Variants in PUSL1 observed in about 807,000 individuals in gnomAD.
PUSL1 encodes pseudouridine synthase like 1.
In PUSL1, 51 loss-of-function variants were observed where a neutral mutation model predicts 30.7. That is an observed-to-expected ratio of 1.66 (90% CI 1.33 to 2.10). The LOEUF (loss-of-function observed/expected upper bound fraction) is 2.10, where lower values mean the gene tolerates loss of function less well. PUSL1 is among the 30% of genes most tolerant of loss of function. PUSL1 has a pLI of 0.00. For missense variants in PUSL1, 609 were observed against 427.6 expected, an observed-to-expected ratio of 1.42 and a Z score of -3.74; for synonymous variants, 290 against 192.1, an observed-to-expected ratio of 1.51 and a Z score of -4.21.
chr1:1,310,447 C>T (rs1392106309), intron 5 of PUSL1, 187 bp from the exon 6 acceptor site: 1 of 625,706 alleles, frequency 1.6e-6, no homozygotes, highest in Non-Finnish European at 2.9e-6. Context: ...CATTGTTTCT[C>T]TGGTTTTAAG....
rs1641934582 is a variant in PUSL1, at chr1:1,309,069, G to A, written c.136-17G>A. 2 of 1,416,290 alleles carry A rather than the reference G, an allele frequency of 1.4e-6. No homozygotes were observed. The highest frequency in any genetic ancestry group is 1.8e-6 in the Non-Finnish European group (2 of 1,095,316). 87.7% of individuals were successfully genotyped at this position (1,416,290 alleles called of 1,614,324 possible). ...CCGGCCTCGCTCACCCGCCCGCCCC[G>A]CGGCTCGGTCCTGCAGGAGGCCGCC... On this transcript the variant is annotated splice_polypyrimidine_tract_variant and intron_variant, in intron 2 of 7. Coordinates refer to ENST00000379031, the MANE Select transcript of PUSL1 (RefSeq NM_153339.3).
At chr1:1,309,916 C>T (rs1642020280) in intron 5 of PUSL1, 65 bp downstream of exon 5, 2 of 1,295,484 alleles carry the variant, frequency 1.5e-6, no homozygotes, top group East Asian at 2.6e-5. Context: ...GCTCCAGCAC[C>T]TCCCCCAGTT....
In PUSL1 at chr1:1,310,634, G is replaced by A. The variant is rs769665606; in HGVS notation, c.645G>A (p.Arg215=). 1.3e-6 allele frequency: 2 copies of A among 1,564,206 alleles called. No individual in the cohort carries two copies. Among genetic ancestry groups the A allele is most frequent in the Admixed American group, 1.8e-5 (1 of 54,534 alleles). ...ASPLVTPEES[R]KLRFWNLEFE... ...CACCTACAGGTACGTATTTTTCCAG[G>A]AAGCTGCGGTTCTGGAACCTGGAGT... is the stretch of plus-strand genomic sequence containing the variant. The change falls in exon 6 of 8, where the codon AGG becomes AGA. Residue 215 remains arginine, a splice_region_variant and synonymous_variant. Coordinates refer to ENST00000379031, the MANE Select transcript of PUSL1 (RefSeq NM_153339.3).
chr1:1,309,123 G>T lies in PUSL1; in HGVS notation c.173G>T (p.Arg58Met), dbSNP rs1641939531. Residue 58 changes from arginine (R) to methionine (M), a missense_variant, in exon 3 of 8, where the codon AGG (arginine) becomes ATG (methionine). Arg to Met is a moderately conservative substitution (Grantham distance 91, BLOSUM62 -1). Transcript: ENST00000379031. ...CGGCTGAATTCCGTGGAGCCGGTCA[G>T]GTTCACCATCTCCAGCCGCACGGAC... ...AERLNSVEPVRFTISSRTDAG... is the reference protein window; with the variant it reads ...AERLNSVEPVMFTISSRTDAG... 12 of 1,525,428 alleles carry T rather than the reference G, an allele frequency of 7.9e-6. No individual in the cohort carries two copies. The South Asian group carries it at 1.4e-4, about 18-fold the overall frequency. The allele number at this position is 1,525,428 out of a possible 1,614,324, so 94.5% of individuals were successfully genotyped here.
rs778786499 is a variant in PUSL1, at chr1:1,309,076, G to A, written c.136-10G>A. 26 of 1,427,558 alleles carry A rather than the reference G, an allele frequency of 1.8e-5. No individual in the cohort carries two copies. The highest frequency in any genetic ancestry group is 2.2e-5 in the Non-Finnish European group (24 of 1,101,046). The allele number at this position is 1,427,558 out of a possible 1,614,324, so 88.4% of individuals were successfully genotyped here. A position where few individuals can be genotyped will look rare whatever the true frequency, so the allele number is the denominator to read the frequency against. The stretch of plus-strand genomic sequence containing the variant: ...CGCTCACCCGCCCGCCCCGCGGCTC[G>A]GTCCTGCAGGAGGCCGCCGAGCGGC... On this transcript the variant is annotated splice_polypyrimidine_tract_variant and intron_variant, in intron 2 of 7. Transcript: ENST00000379031.
intron 5 of PUSL1, 96 bp downstream of exon 5, chr1:1,309,947 A>C (rs1642023459): frequency 9.5e-7 from 1 of 1,054,412 alleles, no homozygotes; most frequent in Non-Finnish European, 1.3e-6. Flanking sequence ...GTGAGGCGGG[A>C]GGCAGGCAGC....
intron 3 of PUSL1, 39 bp downstream of exon 3, chr1:1,309,312 C>G: frequency 6.9e-7 from 1 of 1,456,376 alleles, no homozygotes; most frequent in Non-Finnish European, 9.1e-7. Context: ...GCTGTGCCTT[C>G]CCGACTCCAT....
At chr1:1,309,380 G>A (rs1000473668) in intron 3 of PUSL1, 74 bp from the exon 4 acceptor site, 6 of 1,498,356 alleles carry the variant, frequency 4.0e-6, no homozygotes, top group African/African-American at 1.4e-5. Context: ...CGGAGCTCGA[G>A]GGGGAAGGAG....
chr1:1,310,200 G>A, intron 5 of PUSL1: 2 of 352,730 alleles, frequency 5.7e-6, no homozygotes, highest in Admixed American at 4.4e-5. Context: ...CCACCAGGTG[G>A]CAGCTTCTGA....
intron 5 of PUSL1, 87 bp from the exon 6 acceptor site, chr1:1,310,547 C>T (rs1642069458): frequency 9.2e-7 from 1 of 1,083,976 alleles, no homozygotes; most frequent in African/African-American, 1.6e-5. Flanking sequence ...TTAGGCCCAC[C>T]CTGTCACTCT....
intron 7 of PUSL1, 45 bp from the exon 8 acceptor site, chr1:1,311,285 G>A (rs971479287): frequency 5.3e-6 from 8 of 1,500,710 alleles, no homozygotes; most frequent in Admixed American, 2.1e-5. Flanking sequence ...GAGGGTGCTG[G>A]GCCGGTCTTG....
At position 1,308,600 on chromosome 1, in the gene PUSL1, C is replaced by T. The variant is rs1353271319; in HGVS notation, c.-44C>T. On this transcript the variant is annotated 5_prime_UTR_variant, in exon 1 of 8. Transcript: ENST00000379031. ...GCCGCGTCCGCGCGCGCGCAGGATT[C>T]CTGCGCTGGAGGCCGCCTCTGACGC... 29 of 1,046,292 alleles carry T rather than the reference C, an allele frequency of 2.8e-5. No homozygotes were observed. Among genetic ancestry groups the T allele is most frequent in the East Asian group, 7.5e-5 (1 of 13,332 alleles). The allele number at this position is 1,046,292 out of a possible 1,614,324, so 64.8% of individuals were successfully genotyped here. A position where few individuals can be genotyped will look rare whatever the true frequency, so the allele number is the denominator to read the frequency against.
rs773076061 is a variant in PUSL1, at chr1:1,311,049, G to C, written c.840G>C (p.Lys280Asn). The C allele has an allele frequency of 6.2e-7, 1 of 1,610,354 alleles. No homozygotes were observed. The highest frequency in any genetic ancestry group is 1.7e-5 in the Admixed American group (1 of 59,946). ...RVAPAHGLFL[K>N]SVLYGNLGAA... ...CCCCAGCCCACGGCTTATTCCTCAA[G>C]TCAGTGCTGTACGGGAACCTCGGTA... The change falls in exon 7 of 8, where the codon AAG (lysine) becomes AAC (asparagine). Residue 280 changes from lysine to asparagine, a missense_variant. Coordinates refer to ENST00000379031, the MANE Select transcript of PUSL1 (RefSeq NM_153339.3).
intron 5 of PUSL1, 110 bp downstream of exon 5, chr1:1,309,961 GA>G (rs1371297403): frequency 1.2e-6 from 1 of 862,284 alleles, no homozygotes; most frequent in Non-Finnish European, 1.7e-6. Flanking sequence ...AGGCAGCCGG[GA>G]GTCCTCAGGA....
Position 1,309,602 on chromosome 1 carries a change from G to A in PUSL1, c.472G>A (p.Asp158Asn), listed in dbSNP as rs756473143. 6.2e-7 allele frequency: 1 copy of A among 1,609,324 alleles called. No individual in the cohort carries two copies. The highest frequency in any genetic ancestry group is 1.7e-5 in the Admixed American group (1 of 59,934). Residue 158 changes from aspartate (D) to asparagine (N), a missense_variant and splice_region_variant, in exon 4 of 8, where the codon GAC becomes AAC. Transcript: ENST00000379031. Reference protein sequence around the residue: ...ERNLCWTLPADCLDMVAMQEA... With the variant: ...ERNLCWTLPANCLDMVAMQEA... ...CAACCTATGCTGGACTCTCCCGGCAGAGTGAGTGTGGCCCTGACAGCGGGG... is the reference window on the plus strand; with the variant it reads ...CAACCTATGCTGGACTCTCCCGGCAAAGTGAGTGTGGCCCTGACAGCGGGG...
Position 1,308,906 on chromosome 1 carries a change from T to G in PUSL1, c.78-9T>G. 7.1e-7 allele frequency: 1 copy of G among 1,414,610 alleles called. No individual in the cohort carries two copies. The highest frequency in any genetic ancestry group is 9.2e-7 in the Non-Finnish European group (1 of 1,086,016). 87.6% of individuals were successfully genotyped at this position (1,414,610 alleles called of 1,614,324 possible). The stretch of plus-strand genomic sequence containing the variant: ...GCCCCCGGTAACCTCCGCCCGCTTC[T>G]GCCCGCAGCGGGGTCGCGGCCGTCA... On this transcript the variant is annotated splice_polypyrimidine_tract_variant and intron_variant, in intron 1 of 7. Transcript: ENST00000379031.
rs1254105831 is a variant in PUSL1 at position 1,311,583 on chromosome 1, A to AAG, written c.*209_*210dup. ...GCAGGACACAGCCATGTACACCAAG[A>AAG]AGAGAGTACCAAGTAGTCTTTTGTT... On this transcript the variant is annotated 3_prime_UTR_variant, in exon 8 of 8. Transcript: ENST00000379031. 2.8e-6 allele frequency: 2 copies of AAG among 721,742 alleles called. No homozygotes were observed. The highest frequency in any genetic ancestry group is 5.0e-6 in the Non-Finnish European group (2 of 403,222). 44.7% of individuals were successfully genotyped at this position (721,742 alleles called of 1,614,324 possible).
intron 5 of PUSL1, chr1:1,310,266 CCA>C (rs1180063062): frequency 2.9e-6 from 1 of 342,334 alleles, no homozygotes; most frequent in Non-Finnish European, 5.4e-6. Flanking sequence ...TCTGCCAGCC[CCA>C]GACTTCTGTG....
chr1:1,308,819 C>T, intron 1 of PUSL1, 96 bp from the exon 2 acceptor site: 1 of 1,445,002 alleles, frequency 6.9e-7, no homozygotes, highest in East Asian at 3.0e-5. Flanking sequence ...ACGCGGGTTC[C>T]AAACGTTCGG....
Sources: gnomAD v4.1 joint callset for allele counts on GRCh38, gnomAD v4.1.1 for gene constraint, MANE v1.5 for transcripts, NCBI Gene and HGNC (gene_info 2026-07-23, HGNC 2026-07-21) for gene names.